The following SEMA6D variants were observed in gnomAD, a reference collection of about 807,000 sequenced individuals.
The protein encoded by SEMA6D is semaphorin 6D, also known as semaphorin-6D.
Under a neutral mutation model 106.6 loss-of-function variants are expected in SEMA6D, and 35 were observed. That is an observed-to-expected ratio of 0.33 (90% confidence interval 0.25 to 0.44). The LOEUF is 0.44. SEMA6D is among the 20% of genes least tolerant of loss of function. The pLI is 1.00. For synonymous variants in SEMA6D, 499 were observed against 487.7 expected, an observed-to-expected ratio of 1.02 and a Z score of -0.31; for missense variants, 1,185 against 1,345.9, an observed-to-expected ratio of 0.88 and a Z score of 1.87.
At chr15:47,295,953 C>G (rs1029878377) in intron 1 of SEMA6D, among the ~76,000 whole-genome samples, 8 of 152,164 alleles carry the variant, frequency 5.3e-5, no homozygotes, top group African/African-American at 1.9e-4. Context: ...CCATGACTAG[C>G]CTATTGCTCT....
At chr15:47,238,982 G>A (rs552430491) in intron 1 of SEMA6D, among the ~76,000 whole-genome samples, 4 of 152,296 alleles carry the variant, frequency 2.6e-5, no homozygotes, top group African/African-American at 7.2e-5. Flanking sequence ...GCCATGGGCT[G>A]TTACTGGGCC....
chr15:47,298,944 C>T (rs748465606), intron 1 of SEMA6D, among the ~76,000 whole-genome samples: 2 of 152,126 alleles, frequency 1.3e-5, no homozygotes, highest in Non-Finnish European at 2.9e-5. Context: ...TAGGGCATCC[C>T]TAAAGGTATT....
intron 1 of SEMA6D, among the ~76,000 whole-genome samples, chr15:47,204,951 G>A (rs1777993414): frequency 6.6e-6 from 1 of 152,090 alleles, no homozygotes; most frequent in Admixed American, 6.6e-5. Flanking sequence ...AGGGAAAGAA[G>A]CTGTAAAAAT....
intron 2 of SEMA6D, among the ~76,000 whole-genome samples, chr15:47,457,194 G>A (rs1175280112): frequency 6.6e-6 from 1 of 151,910 alleles, no homozygotes. Flanking sequence ...GGCTTGAAAA[G>A]CTTACCAAAT....
intron 4 of SEMA6D, among the ~76,000 whole-genome samples, chr15:47,673,539 G>A (rs1380088443): frequency 3.3e-5 from 5 of 152,220 alleles, no homozygotes; most frequent in Non-Finnish European, 7.3e-5. Context: ...TTCAGTGGAA[G>A]ATGTCACATT....
intron 1 of SEMA6D, among the ~76,000 whole-genome samples, chr15:47,301,286 A>G (rs774492632): frequency 2.6e-5 from 4 of 152,228 alleles, no homozygotes; most frequent in Non-Finnish European, 5.9e-5. Flanking sequence ...CTAGATCTCC[A>G]TTCCCCTCAA....
At chr15:47,668,402 T>C (rs1453627368) in intron 4 of SEMA6D, among the ~76,000 whole-genome samples, 3 of 152,218 alleles carry the variant, frequency 2.0e-5, no homozygotes, top group South Asian at 2.1e-4. Context: ...CTGTTTATAA[T>C]GTATACACTA....
chr15:47,668,542 C>G (rs772765447), intron 4 of SEMA6D, among the ~76,000 whole-genome samples: 7 of 152,114 alleles, frequency 4.6e-5, no homozygotes, highest in Non-Finnish European at 1.0e-4. Context: ...GCTTCCATTC[C>G]CCCTTCTCTG....
intron 1 of SEMA6D, among the ~76,000 whole-genome samples, chr15:47,268,471 G>T (rs113512958): frequency 5.3e-5 from 8 of 152,202 alleles, no homozygotes; most frequent in African/African-American, 1.9e-4. Context: ...GTGTTAGGAG[G>T]GCAGAGGTGG....
chr15:47,197,842 A>G (rs967755706), intron 1 of SEMA6D, among the ~76,000 whole-genome samples: 9 of 152,090 alleles, frequency 5.9e-5, no homozygotes, highest in Non-Finnish European at 1.3e-4. Context: ...TCTAAGTATT[A>G]TTGTTTATAT....
At chr15:47,306,737 T>C (rs1595693776) in intron 1 of SEMA6D, among the ~76,000 whole-genome samples, 1 of 152,306 alleles carries the variant, frequency 6.6e-6, no homozygotes, top group East Asian at 1.9e-4. Flanking sequence ...AATAAAACCA[T>C]ATATTGATAC....
At chr15:47,454,789 G>C (rs2042298803) in intron 2 of SEMA6D, among the ~76,000 whole-genome samples, 1 of 151,936 alleles carries the variant, frequency 6.6e-6, no homozygotes, top group African/African-American at 2.4e-5. Flanking sequence ...CAGATGCTTT[G>C]TAAATGAATT....
At chr15:47,426,111 A>G (rs2041329045) in intron 2 of SEMA6D, among the ~76,000 whole-genome samples, 1 of 152,146 alleles carries the variant, frequency 6.6e-6, no homozygotes, top group Admixed American at 6.6e-5. Flanking sequence ...ATAGGTTTCC[A>G]AATTCTACAA....
intron 2 of SEMA6D, among the ~76,000 whole-genome samples, chr15:47,415,824 T>G (rs933095136): frequency 1.3e-5 from 2 of 152,146 alleles, no homozygotes; most frequent in Admixed American, 1.3e-4. Context: ...ACACATCCTT[T>G]AAGAATAAAG....
At chr15:47,389,935 T>G (rs966328210) in intron 1 of SEMA6D, among the ~76,000 whole-genome samples, 9 of 152,172 alleles carry the variant, frequency 5.9e-5, no homozygotes, top group Non-Finnish European at 1.2e-4. Flanking sequence ...CAGAGTGAGC[T>G]TCAATAAACA....
intron 1 of SEMA6D, among the ~76,000 whole-genome samples, chr15:47,405,575 G>A (rs1288165618): frequency 6.6e-6 from 1 of 152,144 alleles, no homozygotes; most frequent in Non-Finnish European, 1.5e-5. Flanking sequence ...GTGCCTCAGG[G>A]TCTTTCCCAT....
chr15:47,624,479 G>A (rs2077167046), intron 4 of SEMA6D, among the ~76,000 whole-genome samples: 1 of 152,152 alleles, frequency 6.6e-6, no homozygotes, highest in Non-Finnish European at 1.5e-5. Flanking sequence ...TGTACATAAT[G>A]TGAAAATAGA....
chr15:47,432,315 T>G (rs141722688), intron 2 of SEMA6D, among the ~76,000 whole-genome samples: 2 of 152,226 alleles, frequency 1.3e-5, no homozygotes, highest in East Asian at 3.9e-4. Context: ...TAAACATGAT[T>G]TATAAATATG....
At chr15:47,377,698 C>T (rs770879678) in intron 1 of SEMA6D, among the ~76,000 whole-genome samples, 7 of 152,130 alleles carry the variant, frequency 4.6e-5, no homozygotes, top group Non-Finnish European at 8.8e-5. Context: ...AGTGTCTGGG[C>T]ATAGAAATGG....
Sources: allele counts gnomAD v4.1 joint callset (sites outside exome capture counted in the v4.1 genomes callset), GRCh38; gene constraint gnomAD v4.1.1; transcripts MANE v1.5; gene names NCBI Gene and HGNC (gene_info 2026-07-23, HGNC 2026-07-21).